Variants in SERINC5 observed in about 807,000 individuals in gnomAD.
SERINC5 encodes the protein chromosome 5 open reading frame 12.
Under a neutral mutation model 63.1 loss-of-function variants are expected in SERINC5, and 41 were observed. The observed-to-expected ratio is 0.65, with a 90% CI of 0.51 to 0.84. SERINC5 has a LOEUF of 0.84. SERINC5 is among the 40% of genes least tolerant of loss of function. The probability of loss-of-function intolerance (pLI) is 0.00; values close to 1 mark genes in which losing one functional copy is unlikely to be tolerated. For synonymous variants in SERINC5, 222 were observed against 215.2 expected (o/e 1.03, Z -0.28); for missense variants, 523 against 573.0 (o/e 0.91, Z 0.89).
intron 4 of SERINC5, 101 bp downstream of exon 4, chr5:80,177,213 AG>A: frequency 1.3e-6 from 1 of 779,660 alleles, no homozygotes; most frequent in South Asian, 1.7e-5. Flanking sequence ...AAAGAAAATC[AG>A]TAATTCTAAC....
intron 8 of SERINC5, chr5:80,157,793 G>GT (rs1182973956): frequency 1.3e-5 from 2 of 152,210 alleles, no homozygotes; most frequent in East Asian, 3.8e-4. Context: ...AAGAATGAAT[G>GT]TATGTCACCA....
rs1452802328 is a variant in SERINC5 at position 80,141,661 on chromosome 5, C to T, written c.*2002G>A. On this transcript the variant is annotated 3_prime_UTR_variant, in exon 12 of 12. Transcript: ENST00000507668. ...TGCAACACAGCTACTGTGTGTGACACGCAGCCCCACTCCCTGAGCCCATTC... is the reference window on the plus strand; with the variant it reads ...TGCAACACAGCTACTGTGTGTGACATGCAGCCCCACTCCCTGAGCCCATTC... The T allele has an allele frequency of 3.8e-5, 37 of 985,570 alleles. No individual in the cohort carries two copies. Among genetic ancestry groups the T allele is most frequent in the African/African-American group, 1.6e-4 (9 of 57,356 alleles). 61.1% of individuals were successfully genotyped at this position (985,570 alleles called of 1,614,324 possible). A position where few individuals can be genotyped will look rare whatever the true frequency, so the allele number is the denominator to read the frequency against.
intron 1 of SERINC5, among the ~76,000 whole-genome samples, chr5:80,238,466 T>G (rs550258706): frequency 5.9e-5 from 9 of 152,134 alleles, no homozygotes; most frequent in African/African-American, 2.2e-4. Flanking sequence ...TAAACAGATT[T>G]TATTACAACA....
intron 11 of SERINC5, among the ~76,000 whole-genome samples, chr5:80,129,442 T>C (rs1744858312): frequency 6.6e-6 from 1 of 152,180 alleles, no homozygotes; most frequent in African/African-American, 2.4e-5. Context: ...CAGCTGGGAT[T>C]ACAGGTGTGC....
At chr5:80,253,261 T>G (rs1225928688) in intron 1 of SERINC5, among the ~76,000 whole-genome samples, 1 of 152,202 alleles carries the variant, frequency 6.6e-6, no homozygotes, top group Non-Finnish European at 1.5e-5. Context: ...TGTCTCCTCC[T>G]GGGACTACAG....
chr5:80,209,972 A>G (rs1486497096), intron 1 of SERINC5, among the ~76,000 whole-genome samples: 1 of 151,362 alleles, frequency 6.6e-6, no homozygotes, highest in Non-Finnish European at 1.5e-5. Context: ...TGCCTCCCAA[A>G]TAGCTGGGAC....
chr5:80,178,047 ATCTTC>A lies in SERINC5; in HGVS notation c.208_212del (p.Glu70TyrfsTer3). The A allele has an allele frequency of 3.1e-6, 5 of 1,596,680 alleles. No individual in the cohort carries two copies. Among genetic ancestry groups the A allele is most frequent in the Admixed American group, 3.6e-5 (2 of 55,162 alleles). ...CACCAGCTTTAATGCCTTTACACATATCTTCAAAAAAAGGAATCTGAGGAGAAAGT... is the reference window on the plus strand; with the variant it reads ...CACCAGCTTTAATGCCTTTACACATAAAAAAAAGGAATCTGAGGAGAAAGT... On this transcript the variant is annotated frameshift_variant, in exon 3 of 12. Transcript: ENST00000507668. LOFTEE classifies it high-confidence loss of function.
intron 1 of SERINC5, among the ~76,000 whole-genome samples, chr5:80,206,553 A>C (rs988528456): frequency 4.0e-5 from 6 of 149,198 alleles, no homozygotes; most frequent in African/African-American, 1.6e-4. Flanking sequence ...GTAAAAGAAG[A>C]CATTCTACTC....
rs1745618109 is a variant in SERINC5 at position 80,143,239 on chromosome 5, A to G, written c.*424T>C. ...AGGCTCTAAGAGGCGGAAGTGAGTG[A>G]GAGGGGTCTGGATTCTGTTAGGCGC... On this transcript the variant is annotated 3_prime_UTR_variant, in exon 12 of 12. Transcript: ENST00000507668. 2 of 991,738 alleles carry G rather than the reference A, an allele frequency of 2.0e-6. No individual in the cohort carries two copies. Among genetic ancestry groups the G allele is most frequent in the African/African-American group, 3.5e-5 (2 of 57,290 alleles). 61.4% of individuals were successfully genotyped at this position (991,738 alleles called of 1,614,324 possible).
intron 2 of SERINC5, among the ~76,000 whole-genome samples, chr5:80,195,832 C>G (rs1424143938): frequency 1.3e-5 from 2 of 152,168 alleles, no homozygotes; most frequent in African/African-American, 4.8e-5. Flanking sequence ...CCACTGTATT[C>G]ACCTACAGTC....
At chr5:80,145,410 G>A (rs1745754530) in intron 11 of SERINC5, among the ~76,000 whole-genome samples, 2 of 149,892 alleles carry the variant, frequency 1.3e-5, no homozygotes, top group Non-Finnish European at 3.0e-5. Flanking sequence ...TCCTAGCAGT[G>A]GTTATCTGTG....
intron 1 of SERINC5, among the ~76,000 whole-genome samples, chr5:80,214,288 T>A (rs907485292): frequency 3.3e-5 from 5 of 152,092 alleles, no homozygotes; most frequent in Admixed American, 1.3e-4. Context: ...TATCAGTACA[T>A]CAACAGTAGT....
downstream of SERINC5, among the ~76,000 whole-genome samples, chr5:80,134,451 A>C (rs1290461137): frequency 2.0e-5 from 3 of 152,202 alleles, no homozygotes; most frequent in Non-Finnish European, 2.9e-5. Flanking sequence ...GGGCCACTGC[A>C]CTCCAGCCTG....
intron 11 of SERINC5, 169 bp from the exon 12 acceptor site, chr5:80,143,979 A>C: frequency 1.3e-6 from 1 of 783,440 alleles, no homozygotes; most frequent in South Asian, 1.8e-5. Context: ...TCACCCCCAA[A>C]AGAAATCATG....
chr5:80,148,005 A>G (rs1338608746), intron 9 of SERINC5, among the ~76,000 whole-genome samples: 1 of 152,060 alleles, frequency 6.6e-6, no homozygotes, highest in East Asian at 1.9e-4. Flanking sequence ...ATGATTCACA[A>G]TAGGTAACAC....
At chr5:80,218,723 A>G (rs139284582) in intron 1 of SERINC5, among the ~76,000 whole-genome samples, 2,101 of 151,150 alleles carry the variant, frequency 0.014, 24 homozygotes, top group Middle Eastern at 0.038. Flanking sequence ...AGGCTGTGCT[A>G]TGGTAATGCC....
At chr5:80,252,275 G>A (rs1047180610) in intron 1 of SERINC5, among the ~76,000 whole-genome samples, 4 of 151,970 alleles carry the variant, frequency 2.6e-5, no homozygotes, top group African/African-American at 9.7e-5. Context: ...GCCCAGGCTG[G>A]TCTCGAACTC....
chr5:80,121,012 T>C (rs1744522046), intron 11 of SERINC5, among the ~76,000 whole-genome samples: 1 of 151,996 alleles, frequency 6.6e-6, no homozygotes, highest in Admixed American at 6.6e-5. Flanking sequence ...CTCAGCCTCC[T>C]GAGTAGCTGG....
At chr5:80,153,782 C>T (rs1378515796) in intron 8 of SERINC5, among the ~76,000 whole-genome samples, 7 of 149,846 alleles carry the variant, frequency 4.7e-5, no homozygotes, top group Non-Finnish European at 1.5e-5. Context: ...AAAATGCCAG[C>T]AGTGCTCTGC....
Sources: allele counts gnomAD v4.1 joint callset (sites outside exome capture counted in the v4.1 genomes callset), GRCh38; gene constraint gnomAD v4.1.1; transcripts MANE v1.5; gene names NCBI Gene and HGNC (gene_info 2026-07-23, HGNC 2026-07-21).